Variants in GRIK3 observed in about 807,000 individuals in gnomAD.
The protein encoded by GRIK3 is glutamate ionotropic receptor kainate type subunit 3, also known as glutamate receptor ionotropic, kainate 3.
In GRIK3, 29 loss-of-function variants were observed where a neutral mutation model predicts 102.5. That is an observed-to-expected ratio of 0.28 (90% CI 0.21 to 0.39). GRIK3 has a LOEUF of 0.39. GRIK3 is among the 10% of genes least tolerant of loss of function. GRIK3 has a pLI of 1.00. For missense variants in GRIK3, 908 were observed against 1,252.4 expected (o/e 0.73, Z 4.15); for synonymous variants, 511 against 504.9 (o/e 1.01, Z -0.16).
intron 1 of GRIK3, among the ~76,000 whole-genome samples, chr1:37,021,664 C>T (rs1642716044): frequency 6.6e-6 from 1 of 152,210 alleles, no homozygotes; most frequent in South Asian, 2.1e-4. Flanking sequence ...ATGTAGGCAA[C>T]AGGCTCTTTC....
At position 37,029,723 on chromosome 1, in the gene GRIK3, G is replaced by A. The variant is rs191668262; in HGVS notation, c.115+4271C>T. On this transcript the variant is annotated intron_variant, in intron 1 of 15. Transcript: ENST00000373091. The stretch of plus-strand genomic sequence containing the variant: ...ACAGGCACAGAGTGCCTGTGGGAAC[G>A]TGGGGATTCAGGAAGGCTTACAGCC... Among the ~76,000 whole-genome samples the A allele has an allele frequency of 1.1e-4, 16 of 152,364 alleles. No homozygotes were observed. The East Asian group carries it at 2.1e-3, about 20-fold the overall frequency.
At chr1:37,022,691 T>C (rs1642727460) in intron 1 of GRIK3, among the ~76,000 whole-genome samples, 1 of 152,170 alleles carries the variant, frequency 6.6e-6, no homozygotes, top group Non-Finnish European at 1.5e-5. Context: ...ATTGACAAAA[T>C]GGAAAAAGTG....
At chr1:36,890,185 A>G (rs1428680981) in intron 2 of GRIK3, among the ~76,000 whole-genome samples, 8 of 152,118 alleles carry the variant, frequency 5.3e-5, no homozygotes, top group Admixed American at 3.9e-4. Context: ...AAATGTCAGA[A>G]TGGCCAGGCA....
intron 1 of GRIK3, among the ~76,000 whole-genome samples, chr1:36,966,978 A>G (rs1014517650): frequency 1.3e-5 from 2 of 152,234 alleles, no homozygotes; most frequent in African/African-American, 4.8e-5. Flanking sequence ...TGCCCTCTTA[A>G]TACGTGAGAA....
At position 36,850,075 on chromosome 1, in the gene GRIK3, G is replaced by T. The variant is rs1448737445; in HGVS notation, c.1326+236C>A. ...AGCATGGTTCCTACTCAGACATCAA[G>T]GACTTGGGGAGTGAGTGGGAGTGAG... On this transcript the variant is annotated intron_variant, in intron 9 of 15. Transcript: ENST00000373091. This position sits in a 1 kb window ranked among gnomAD's most constrained non-coding sequence, Gnocchi z 4.0. The T allele has an allele frequency of 2.0e-6, 1 of 512,758 alleles. No individual in the cohort carries two copies. The highest frequency in any genetic ancestry group is 3.5e-6 in the Non-Finnish European group (1 of 285,758). The allele number at this position is 512,758 out of a possible 1,614,324, so 31.8% of individuals were successfully genotyped here. A position where few individuals can be genotyped will look rare whatever the true frequency, so the allele number is the denominator to read the frequency against.
In GRIK3 at chr1:37,033,482, G is replaced by A. The variant is rs767598376; in HGVS notation, c.115+512C>T. 2.0e-5 allele frequency among the ~76,000 whole-genome samples: 3 copies of A among 152,282 alleles called. No individual in the cohort carries two copies. The South Asian group carries it at 6.2e-4, about 32-fold the overall frequency. ...CCACCGAGGCCAAGGGCGACCACCA[G>A]GAGAGAAGACCGGCTGCCCTCGTCA... On this transcript the variant is annotated intron_variant, in intron 1 of 15. Coordinates refer to ENST00000373091, the MANE Select transcript of GRIK3 (RefSeq NM_000831.4).
intron 1 of GRIK3, among the ~76,000 whole-genome samples, chr1:36,961,299 C>T (rs1296544882): frequency 6.6e-6 from 1 of 152,236 alleles, no homozygotes; most frequent in African/African-American, 2.4e-5. Context: ...CATACGGAGG[C>T]AAGCAGGAAA....
chr1:36,969,785 T>C (rs1043779204), intron 1 of GRIK3, among the ~76,000 whole-genome samples: 7 of 152,176 alleles, frequency 4.6e-5, no homozygotes, highest in Non-Finnish European at 7.3e-5. Context: ...ATAACACACA[T>C]CTTCTCAAAG....
intron 3 of GRIK3, among the ~76,000 whole-genome samples, chr1:36,877,301 C>A (rs1330532008): frequency 3.9e-5 from 6 of 152,140 alleles, no homozygotes; most frequent in African/African-American, 1.2e-4. Context: ...TTCAACATTA[C>A]CCTGTTCACA....
chr1:36,841,869 C>A lies in GRIK3; in HGVS notation c.1397G>T (p.Cys466Phe). 1 of 1,614,170 alleles carries A rather than the reference C, an allele frequency of 6.2e-7. No individual in the cohort carries two copies. Among genetic ancestry groups the A allele is most frequent in the Non-Finnish European group, 8.5e-7 (1 of 1,179,996 alleles). Residue 466 changes from cysteine (C) to phenylalanine (F), a missense_variant, in exon 10 of 16, where the codon TGC becomes TTC. By Grantham distance (205) the Cys-to-Phe change is radical. Coordinates refer to ENST00000373091, the MANE Select transcript of GRIK3 (RefSeq NM_000831.4). ...LYGNDRFEGYCIDLLKELAHI... is the reference protein window; with the variant it reads ...LYGNDRFEGYFIDLLKELAHI... ...GGCCAGCTCCTTTAGCAGGTCGATG[C>A]AGTAGCCCTCGAACCGGTCATTCCC...
chr1:36,983,536 C>T (rs538483535), intron 1 of GRIK3, among the ~76,000 whole-genome samples: 61 of 152,142 alleles, frequency 4.0e-4, no homozygotes, highest in South Asian at 2.5e-3. Flanking sequence ...GAGGTAGGGG[C>T]CATCATCATT....
chr1:36,828,151 G>A (rs1234383517), intron 10 of GRIK3, among the ~76,000 whole-genome samples: 1 of 152,060 alleles, frequency 6.6e-6, no homozygotes, highest in African/African-American at 2.4e-5. Flanking sequence ...GGAGCTTCCA[G>A]TTAGTGAGCC....
At chr1:36,978,355 TGA>T (rs1488701879) in intron 1 of GRIK3, among the ~76,000 whole-genome samples, 1 of 152,240 alleles carries the variant, frequency 6.6e-6, no homozygotes, top group Non-Finnish European at 1.5e-5. Flanking sequence ...AACCATATTT[TGA>T]GTCTTGCCTT....
intron 11 of GRIK3, among the ~76,000 whole-genome samples, chr1:36,821,096 G>A (rs1358373037): frequency 6.6e-6 from 1 of 152,224 alleles, no homozygotes; most frequent in Non-Finnish European, 1.5e-5. Context: ...TGCCCTTTAA[G>A]TGTGATGTTG....
At chr1:36,904,473 A>G (rs1210141186) in intron 1 of GRIK3, among the ~76,000 whole-genome samples, 2 of 152,246 alleles carry the variant, frequency 1.3e-5, no homozygotes, top group Non-Finnish European at 2.9e-5. Context: ...ATGTGTTTAA[A>G]GGGAAATAAA....
intron 1 of GRIK3, among the ~76,000 whole-genome samples, chr1:37,013,976 T>C (rs1010057041): frequency 8.5e-5 from 13 of 152,208 alleles, no homozygotes; most frequent in Non-Finnish European, 1.9e-4. Flanking sequence ...GCCTTCTTTC[T>C]GTTCTTTGAC....
At chr1:36,859,286 A>G in intron 6 of GRIK3, 35 bp from the exon 7 acceptor site, 1 of 1,578,636 alleles carries the variant, frequency 6.3e-7, no homozygotes, top group Non-Finnish European at 8.6e-7. Flanking sequence ...GCGGCTCCCA[A>G]GGCCCTCCAG....
At chr1:36,920,175 T>G (rs1392015601) in intron 1 of GRIK3, among the ~76,000 whole-genome samples, 3 of 152,226 alleles carry the variant, frequency 2.0e-5, no homozygotes, top group Non-Finnish European at 4.4e-5. Flanking sequence ...GGCTCACTTA[T>G]CTAATGCCTC....
At chr1:36,963,003 G>A (rs1642032283) in intron 1 of GRIK3, among the ~76,000 whole-genome samples, 1 of 152,086 alleles carries the variant, frequency 6.6e-6, no homozygotes, top group Admixed American at 6.5e-5. Flanking sequence ...GGACAGAAAG[G>A]GTGAAGGAAG....
Sources: allele counts gnomAD v4.1 joint callset (sites outside exome capture counted in the v4.1 genomes callset), GRCh38; gene constraint gnomAD v4.1.1; non-coding constraint Gnocchi (gnomAD v3.1); transcripts MANE v1.5; gene names NCBI Gene and HGNC (gene_info 2026-07-23, HGNC 2026-07-21).